Variants in WWOX observed in about 807,000 individuals in gnomAD.
WWOX encodes the protein WW domain containing oxidoreductase.
Under a neutral mutation model 46.2 loss-of-function variants are expected in WWOX, and 69 were observed. The observed-to-expected ratio is 1.49, with a 90% CI of 1.23 to 1.82. The LOEUF is 1.82. Ranked by LOEUF, WWOX falls within the 40% of genes most tolerant of loss-of-function variation. The pLI is 0.00. For missense variants in WWOX, 919 were observed against 542.6 expected, an observed-to-expected ratio of 1.69 and a Z score of -6.89; for synonymous variants, 359 against 202.6, an observed-to-expected ratio of 1.77 and a Z score of -6.56.
At chr16:78,817,817 G>T (rs774599435) in intron 8 of WWOX, among the ~76,000 whole-genome samples, 27 of 152,254 alleles carry the variant, frequency 1.8e-4, no homozygotes, top group Admixed American at 1.4e-3. Flanking sequence ...AGGCAGTCCA[G>T]TCACCCCAGT....
At chr16:78,464,873 C>G (rs142522235) in intron 8 of WWOX, among the ~76,000 whole-genome samples, 3 of 152,288 alleles carry the variant, frequency 2.0e-5, no homozygotes, top group Admixed American at 6.5e-5. Flanking sequence ...TCCCATACTT[C>G]TGTGAAGAAA....
intron 8 of WWOX, among the ~76,000 whole-genome samples, chr16:78,812,334 C>G (rs907182188): frequency 6.6e-6 from 1 of 152,084 alleles, no homozygotes; most frequent in Non-Finnish European, 1.5e-5. Context: ...TTTTGAGACC[C>G]TCAGGGTGAC....
chr16:78,388,548 G>A (rs1410108726), intron 6 of WWOX, among the ~76,000 whole-genome samples: 1 of 151,362 alleles, frequency 6.6e-6, no homozygotes, highest in African/African-American at 2.4e-5. Context: ...TTGGGAGGCT[G>A]AGGCAGGAAA....
intron 8 of WWOX, among the ~76,000 whole-genome samples, chr16:78,799,348 A>G (rs1200272388): frequency 6.6e-6 from 1 of 152,184 alleles, no homozygotes; most frequent in Non-Finnish European, 1.5e-5. Flanking sequence ...TAAAAAATGT[A>G]TGGTGTCCAT....
intron 8 of WWOX, chr16:78,891,244 C>G (rs1010802309): frequency 6.6e-6 from 1 of 152,106 alleles, no homozygotes; most frequent in African/African-American, 2.4e-5. Flanking sequence ...TATGTAATTT[C>G]AGGTTTAGGA....
intron 8 of WWOX, among the ~76,000 whole-genome samples, chr16:78,679,684 A>G (rs1274588408): frequency 1.3e-5 from 2 of 152,240 alleles, no homozygotes; most frequent in Non-Finnish European, 2.9e-5. Flanking sequence ...TTGTTTTCAT[A>G]TAAATCATTT....
intron 8 of WWOX, among the ~76,000 whole-genome samples, chr16:78,685,863 A>C (rs1182960434): frequency 6.6e-6 from 1 of 151,158 alleles, no homozygotes; most frequent in Non-Finnish European, 1.5e-5. Flanking sequence ...ATCTGAGAGC[A>C]GGGCCAAGAA....
At chr16:78,810,539 A>C (rs1368457999) in intron 8 of WWOX, among the ~76,000 whole-genome samples, 1 of 152,248 alleles carries the variant, frequency 6.6e-6, no homozygotes, top group Non-Finnish European at 1.5e-5. Context: ...AAAATAAATT[A>C]ATAGTCAACA....
chr16:78,615,202 C>T (rs760833679), intron 8 of WWOX, among the ~76,000 whole-genome samples: 10 of 152,056 alleles, frequency 6.6e-5, no homozygotes, highest in Non-Finnish European at 1.3e-4. Flanking sequence ...ATTCTAGAAA[C>T]TCTCTGTTTT....
chr16:78,793,470 T>C lies in WWOX; in HGVS notation c.1056+360718T>C, dbSNP rs189620343. Among the ~76,000 whole-genome samples the C allele has an allele frequency of 3.3e-3, 504 of 152,312 alleles. 1 individual carries two copies. The highest frequency in any genetic ancestry group is 0.012 in the African/African-American group (479 of 41,562). The stretch of plus-strand genomic sequence containing the variant: ...TTGACTTTCCTCATTTTTTATCCAG[T>C]TTTGCTTTCCAGAGACCCAGATATG... On this transcript the variant is annotated intron_variant, in intron 8 of 8. Transcript: ENST00000566780.
At chr16:78,390,875 C>T (rs2082161387) in intron 6 of WWOX, among the ~76,000 whole-genome samples, 1 of 152,198 alleles carries the variant, frequency 6.6e-6, no homozygotes, top group Non-Finnish European at 1.5e-5. Context: ...GAAAAAATCC[C>T]TTAAATTTGA....
At chr16:78,643,082 G>C (rs72792797) in intron 8 of WWOX, among the ~76,000 whole-genome samples, 7,399 of 152,190 alleles carry the variant, frequency 0.049, 255 homozygotes, top group Non-Finnish European at 0.074. Flanking sequence ...GATAAGCCAA[G>C]ATAAGGTGCT....
intron 8 of WWOX, among the ~76,000 whole-genome samples, chr16:78,588,395 G>A (rs570882257): frequency 3.9e-5 from 6 of 152,152 alleles, no homozygotes; most frequent in Non-Finnish European, 8.8e-5. Flanking sequence ...GGGGGGCCAG[G>A]ATGGGGCTAC....
intron 8 of WWOX, among the ~76,000 whole-genome samples, chr16:78,448,490 G>A (rs1053597503): frequency 6.6e-6 from 1 of 151,990 alleles, no homozygotes; most frequent in Non-Finnish European, 1.5e-5. Flanking sequence ...ACTTCTTACC[G>A]ACAAAGCTGG....
intron 5 of WWOX, among the ~76,000 whole-genome samples, chr16:78,247,748 C>T (rs1310192816): frequency 6.6e-6 from 1 of 152,184 alleles, no homozygotes; most frequent in East Asian, 1.9e-4. Flanking sequence ...ACTGTGCCTA[C>T]CTTGGATATG....
chr16:78,987,063 C>G (rs1211299537), intron 8 of WWOX, among the ~76,000 whole-genome samples: 2 of 152,092 alleles, frequency 1.3e-5, no homozygotes, highest in African/African-American at 4.8e-5. Context: ...GGACACAGCG[C>G]CATGGTTATT....
chr16:78,995,671 G>C (rs939599752), intron 8 of WWOX, among the ~76,000 whole-genome samples: 1 of 152,148 alleles, frequency 6.6e-6, no homozygotes, highest in African/African-American at 2.4e-5. Flanking sequence ...TACATATATA[G>C]CCAGCATTTG....
At chr16:79,047,580 T>C (rs1024778069) in intron 8 of WWOX, among the ~76,000 whole-genome samples, 2 of 151,894 alleles carry the variant, frequency 1.3e-5, no homozygotes, top group African/African-American at 4.8e-5. Flanking sequence ...TGTAACAGAT[T>C]ACTACAAATT....
intron 8 of WWOX, among the ~76,000 whole-genome samples, chr16:78,676,582 T>G (rs754713579): frequency 6.6e-6 from 1 of 152,120 alleles, no homozygotes; most frequent in South Asian, 2.1e-4. Context: ...GGATGAAATA[T>G]CGGGCACTCT....
Sources: gnomAD v4.1 joint callset for allele counts (sites outside exome capture counted in the v4.1 genomes callset) on GRCh38, gnomAD v4.1.1 for gene constraint, MANE v1.5 for transcripts, NCBI Gene and HGNC (gene_info 2026-07-23, HGNC 2026-07-21) for gene names.